The following SLIT3 variants were observed in gnomAD, a reference collection of about 807,000 sequenced individuals.
SLIT3 encodes slit guidance ligand 3.
A neutral mutation model predicts 184.0 loss-of-function variants in SLIT3; 68 were observed. That is an observed-to-expected ratio of 0.37 (90% CI 0.30 to 0.45). The LOEUF (loss-of-function observed/expected upper bound fraction) is 0.45, where lower values mean the gene tolerates loss of function less well. Ranked by LOEUF, SLIT3 falls within the 20% of genes least tolerant of loss-of-function variation. SLIT3 has a pLI of 1.00. For synonymous variants in SLIT3, 831 were observed against 828.6 expected, an observed-to-expected ratio of 1.00 and a Z score of -0.05; for missense variants, 1,707 against 2,026.0, an observed-to-expected ratio of 0.84 and a Z score of 3.02.
chr5:169,251,245 G>A lies in SLIT3; in HGVS notation c.269+143C>T, dbSNP rs145660301. On this transcript the variant is annotated intron_variant, in intron 2 of 35. Coordinates refer to ENST00000519560, the MANE Select transcript of SLIT3 (RefSeq NM_003062.4). The stretch of plus-strand genomic sequence containing the variant: ...GTGATACCTGTAAGCATGTGGGTAC[G>A]CTAACGAGGGGCTTTCTGCTGCAGA... 501 of 656,724 alleles carry A rather than the reference G, an allele frequency of 7.6e-4. No individual in the cohort carries two copies. The African/African-American group carries it at 7.7e-3, about 10-fold the overall frequency. The allele number at this position is 656,724 out of a possible 1,614,324, so 40.7% of individuals were successfully genotyped here.
intron 4 of SLIT3, among the ~76,000 whole-genome samples, chr5:168,952,549 G>A (rs56704527): frequency 0.021 from 2,090 of 98,202 alleles, 114 homozygotes; most frequent in African/African-American, 0.1. Flanking sequence ...AAAAAAAAAA[G>A]AGGGGAGAAG....
intron 4 of SLIT3, chr5:168,993,074 G>T (rs972288199): frequency 2.6e-5 from 4 of 152,172 alleles, no homozygotes; most frequent in Non-Finnish European, 5.9e-5. Flanking sequence ...AGGTGTTTGG[G>T]TCGGCTCTTT....
intron 23 of SLIT3, among the ~76,000 whole-genome samples, chr5:168,718,854 C>T (rs534944437): frequency 9.9e-5 from 15 of 152,210 alleles, no homozygotes; most frequent in African/African-American, 1.7e-4. Context: ...TTCTTGCTGC[C>T]GCAAACACCC....
chr5:169,064,985 C>T (rs1023021707), intron 4 of SLIT3, among the ~76,000 whole-genome samples: 2 of 152,162 alleles, frequency 1.3e-5, no homozygotes, highest in South Asian at 2.1e-4. Context: ...TTCATTCCCA[C>T]TATTTAATTT....
At chr5:168,948,367 C>T (rs915450153) in intron 4 of SLIT3, among the ~76,000 whole-genome samples, 1 of 152,126 alleles carries the variant, frequency 6.6e-6, no homozygotes, top group Non-Finnish European at 1.5e-5. Flanking sequence ...TCCGTTGGAA[C>T]AGGCAGGGTT....
In SLIT3 at chr5:168,836,174, C is replaced by T. The variant is rs545144468; in HGVS notation, c.557+8410G>A. ...GTCTATAGAAAAGCAGACTCTCAGC[C>T]ACAGGTAAGCTGAGCTGTCCAATCT... On this transcript the variant is annotated intron_variant, in intron 6 of 35. Transcript: ENST00000519560. 1.4e-4 allele frequency among the ~76,000 whole-genome samples: 22 copies of T among 152,292 alleles called. 1 individual carries two copies. The highest frequency in any genetic ancestry group is 8.3e-4 in the South Asian group (4 of 4,830).
intron 4 of SLIT3, among the ~76,000 whole-genome samples, chr5:169,180,211 G>A (rs10045919): frequency 0.11 from 16,717 of 151,824 alleles, 1,856 homozygotes; most frequent in African/African-American, 0.27. Flanking sequence ...GCATATCCCA[G>A]GCAGAAGGAA....
chr5:168,759,559 A>C (rs1755068393), intron 16 of SLIT3, among the ~76,000 whole-genome samples: 1 of 152,158 alleles, frequency 6.6e-6, no homozygotes, highest in African/African-American at 2.4e-5. Context: ...AACATGCAAA[A>C]CCCACGGCAC....
intron 4 of SLIT3, among the ~76,000 whole-genome samples, chr5:168,962,494 G>C (rs1031115525): frequency 1.3e-5 from 2 of 151,886 alleles, no homozygotes; most frequent in African/African-American, 4.8e-5. Context: ...GACACATTCC[G>C]AGCAAGCTTT....
intron 4 of SLIT3, among the ~76,000 whole-genome samples, chr5:169,015,111 A>AAC (rs1188487414): frequency 1.3e-5 from 2 of 152,152 alleles, no homozygotes; most frequent in East Asian, 3.9e-4. Flanking sequence ...GACAAAAAAA[A>AAC]AACAAAGCAA....
chr5:169,049,685 C>G (rs971366007), intron 4 of SLIT3, among the ~76,000 whole-genome samples: 7 of 152,156 alleles, frequency 4.6e-5, no homozygotes, highest in Non-Finnish European at 1.0e-4. Context: ...GTCTGAAGAT[C>G]TATTGTAGCG....
At chr5:168,683,369 C>CA (rs59868617) in intron 32 of SLIT3, among the ~76,000 whole-genome samples, 32,744 of 104,530 alleles carry the variant, frequency 0.31, 4,451 homozygotes, top group African/African-American at 0.41. Context: ...AACTCCATCT[C>CA]AAAAAAAAAA....
At chr5:168,847,787 C>T (rs1273213389) in intron 5 of SLIT3, among the ~76,000 whole-genome samples, 1 of 152,114 alleles carries the variant, frequency 6.6e-6, no homozygotes, top group Non-Finnish European at 1.5e-5. Flanking sequence ...CCAAAACATT[C>T]GATTTAGCAG....
intron 4 of SLIT3, among the ~76,000 whole-genome samples, chr5:168,950,064 G>A (rs985375132): frequency 1.3e-4 from 13 of 97,046 alleles, no homozygotes; most frequent in African/African-American, 3.1e-4. Flanking sequence ...ACCCCACCCC[G>A]CCCAAATTCA....
At chr5:168,912,932 C>A (rs186869899) in intron 4 of SLIT3, among the ~76,000 whole-genome samples, 1 of 152,286 alleles carries the variant, frequency 6.6e-6, no homozygotes, top group East Asian at 1.9e-4. Context: ...TGTTACAGCT[C>A]ATTCGGCTTA....
chr5:169,016,556 CA>C (rs1262770819), intron 4 of SLIT3, among the ~76,000 whole-genome samples: 1 of 152,130 alleles, frequency 6.6e-6, no homozygotes, highest in East Asian at 1.9e-4. Flanking sequence ...CATATCCATC[CA>C]TTAAAAACAT....
Position 168,806,582 on chromosome 5 carries a change from G to A in SLIT3, c.799C>T (p.His267Tyr), listed in dbSNP as rs756798557. The change falls in exon 9 of 36, where the codon CAC becomes TAC. Residue 267 changes from histidine to tyrosine, a missense_variant. Coordinates refer to ENST00000519560, the MANE Select transcript of SLIT3 (RefSeq NM_003062.4). ...GCATTGCAGGATGGGGGCTCCGAGT[G>A]GGGGGCTGTGGAGCCAAGACACAAC... ...QKKEYVCPAPHSEPPSCNANS... is the reference protein window; with the variant it reads ...QKKEYVCPAPYSEPPSCNANS... The A allele has an allele frequency of 8.1e-6, 13 of 1,613,996 alleles. No homozygotes were observed. The highest frequency in any genetic ancestry group is 3.3e-5 in the Admixed American group (2 of 60,008).
intron 4 of SLIT3, among the ~76,000 whole-genome samples, chr5:168,920,837 A>G (rs1276605280): frequency 6.6e-6 from 1 of 152,116 alleles, no homozygotes; most frequent in Non-Finnish European, 1.5e-5. Context: ...AATCAGAAAT[A>G]CCACCCATTA....
At chr5:169,277,015 C>T (rs1297820035) in intron 1 of SLIT3, among the ~76,000 whole-genome samples, 1 of 152,170 alleles carries the variant, frequency 6.6e-6, no homozygotes, top group Non-Finnish European at 1.5e-5. Context: ...ATTTCCAAAA[C>T]TTTTTCATTG....
Sources: gnomAD v4.1 joint callset for allele counts (sites outside exome capture counted in the v4.1 genomes callset) on GRCh38, gnomAD v4.1.1 for gene constraint, MANE v1.5 for transcripts, NCBI Gene and HGNC (gene_info 2026-07-23, HGNC 2026-07-21) for gene names.